ADAMTS15: variants seen among roughly 807,000 people sequenced by gnomAD.
ADAMTS15 encodes the protein ADAM metallopeptidase with thrombospondin type 1 motif 15, also known as A disintegrin and metalloproteinase with thrombospondin motifs 15.
In ADAMTS15, 35 loss-of-function variants were observed where a neutral mutation model predicts 79.1. That is an observed-to-expected ratio of 0.44 (90% confidence interval 0.34 to 0.59). The LOEUF (loss-of-function observed/expected upper bound fraction) is 0.59, where lower values mean the gene tolerates loss of function less well. Ranked by LOEUF, ADAMTS15 falls within the 20% of genes least tolerant of loss-of-function variation. The probability of loss-of-function intolerance (pLI) is 0.02; values close to 1 mark genes in which losing one functional copy is unlikely to be tolerated. For synonymous variants in ADAMTS15, 616 were observed against 567.3 expected (o/e 1.09, Z -1.22); for missense variants, 1,324 against 1,318.7 (o/e 1.00, Z -0.06).
chr11:130,470,186 G>GTATATATATATATGTGTA, intron 5 of ADAMTS15, among the ~76,000 whole-genome samples: 1 of 67,154 alleles, frequency 1.5e-5, no homozygotes, highest in Admixed American at 1.6e-4. Flanking sequence ...ATATATGTGT[G>GTATATATATATATGTGTA]TATATATATA....
At chr11:130,465,198 C>A (rs375476572) in intron 4 of ADAMTS15, among the ~76,000 whole-genome samples, 1 of 152,096 alleles carries the variant, frequency 6.6e-6, no homozygotes, top group South Asian at 2.1e-4. Context: ...CATTTCCCGA[C>A]GGGGGAAAAA....
rs1472042795 is a variant in ADAMTS15, at chr11:130,449,797, G to T, written c.824G>T (p.Arg275Leu). The T allele has an allele frequency of 6.2e-7, 1 of 1,611,724 alleles. No individual in the cohort carries two copies. Residue 275 changes from arginine to leucine, a missense_variant, in exon 1 of 8, where the codon CGT (arginine) becomes CTT (leucine). Physicochemically the swap from Arg to Leu is moderately radical, Grantham distance 102. Transcript: ENST00000299164. This position sits in a 1 kb window ranked among gnomAD's most constrained non-coding sequence, Gnocchi z 7.8. Reference protein sequence around the residue: ...VVVKVLLLRDRDSGPKVTGNA... With the variant: ...VVVKVLLLRDLDSGPKVTGNA... ...GTCAAGGTGCTGCTTCTTAGAGATC[G>T]TGACTCCGGGCCCAAGGTCACCGGC...
At chr11:130,461,688 G>A (rs764067762) in intron 2 of ADAMTS15, 67 bp downstream of exon 2, 39 of 1,594,758 alleles carry the variant, frequency 2.4e-5, no homozygotes, top group Middle Eastern at 2.1e-4. Context: ...GGTGGGAGAC[G>A]TGTGTCTTTG....
chr11:130,470,164 A>ATATATATATATATATATATATGTG (rs1938407588), intron 5 of ADAMTS15, among the ~76,000 whole-genome samples: 2 of 58,248 alleles, frequency 3.4e-5, no homozygotes, highest in Non-Finnish European at 6.4e-5. Context: ...GTATATATAT[A>ATATATATATATATATATATATGTG]TATATATATA....
chr11:130,451,853 A>AC (rs773614685), intron 1 of ADAMTS15, among the ~76,000 whole-genome samples: 1 of 151,838 alleles, frequency 6.6e-6, no homozygotes, highest in Non-Finnish European at 1.5e-5. Flanking sequence ...TGTGTGCTCA[A>AC]CCCCCCGGGG....
chr11:130,450,186 G>A (rs1281610535), intron 1 of ADAMTS15: 5 of 985,360 alleles, frequency 5.1e-6, no homozygotes, highest in Non-Finnish European at 4.8e-6. Flanking sequence ...GCCAATCAGC[G>A]CCTCCTGGAT....
At chr11:130,467,505 T>C (rs927664660) in intron 4 of ADAMTS15, among the ~76,000 whole-genome samples, 1 of 152,096 alleles carries the variant, frequency 6.6e-6, no homozygotes, top group Non-Finnish European at 1.5e-5. Context: ...AAAGGGTAGA[T>C]TGAATAAATA....
Position 130,472,214 on chromosome 11 carries a change from A to C in ADAMTS15, c.2078+831A>C, listed in dbSNP as rs1164129752. On this transcript the variant is annotated intron_variant, in intron 7 of 7. Transcript: ENST00000299164. The surrounding 1 kb of genome is among the most constrained non-coding windows in gnomAD (Gnocchi z 4.7). ...GGGAGCCCAGGTGCTGGTGATGGAA[A>C]GGCCTAGATGGCTGTCCTGGAGCCT... 6.6e-6 allele frequency among the ~76,000 whole-genome samples: 1 copy of C among 152,226 alleles called. No homozygotes were observed. The highest frequency in any genetic ancestry group is 2.1e-4 in the South Asian group (1 of 4,832).
intron 4 of ADAMTS15, among the ~76,000 whole-genome samples, chr11:130,463,173 C>A (rs1184142943): frequency 6.6e-6 from 1 of 152,232 alleles, no homozygotes; most frequent in East Asian, 1.9e-4. Context: ...TCCACTCTTT[C>A]CCAGTGTGTT....
intron 4 of ADAMTS15, among the ~76,000 whole-genome samples, chr11:130,466,517 T>A (rs879664271): frequency 6.6e-6 from 1 of 152,178 alleles, no homozygotes; most frequent in Non-Finnish European, 1.5e-5. Flanking sequence ...ACACCCTGTA[T>A]CTCCACGTCC....
chr11:130,459,551 C>T (rs912294624), intron 1 of ADAMTS15, among the ~76,000 whole-genome samples: 5 of 152,216 alleles, frequency 3.3e-5, no homozygotes, highest in South Asian at 2.1e-4. Context: ...TCTTTGAAGA[C>T]GAAAGAATAT....
chr11:130,471,530 C>T (rs535990496), intron 7 of ADAMTS15, 147 bp downstream of exon 7: 112 of 778,972 alleles, frequency 1.4e-4, no homozygotes, highest in Non-Finnish European at 1.9e-4. Context: ...CCTTCTAGGG[C>T]TGCTAGTCCT....
intron 4 of ADAMTS15, among the ~76,000 whole-genome samples, chr11:130,464,320 C>T (rs2134729738): frequency 6.6e-6 from 1 of 152,328 alleles, no homozygotes; most frequent in African/African-American, 2.4e-5. Flanking sequence ...TCTACCTCCT[C>T]AACCTCTTTT....
Position 130,462,725 on chromosome 11 carries a change from G to A in ADAMTS15, c.1487G>A (p.Gly496Asp). ...PWADGTSCGE[G>D]KLCLKGACVE... The stretch of plus-strand genomic sequence containing the variant: ...GCCGATGGCACCAGCTGTGGCGAGG[G>A]CAAGCTCTGCCTCAAAGGGGCCTGC... Residue 496 changes from glycine to aspartate, a missense_variant, in exon 4 of 8, where the codon GGC (glycine) becomes GAC (aspartate). Physicochemically the swap from Gly to Asp is moderately conservative, Grantham distance 94. Coordinates refer to ENST00000299164, the MANE Select transcript of ADAMTS15 (RefSeq NM_139055.4). The surrounding 1 kb of genome is among the most constrained non-coding windows in gnomAD (Gnocchi z 4.3). The A allele has an allele frequency of 1.2e-6, 2 of 1,608,218 alleles. No individual in the cohort carries two copies. Among genetic ancestry groups the A allele is most frequent in the Non-Finnish European group, 8.5e-7 (1 of 1,175,206 alleles).
At chr11:130,465,797 C>T (rs564081265) in intron 4 of ADAMTS15, among the ~76,000 whole-genome samples, 29 of 151,608 alleles carry the variant, frequency 1.9e-4, no homozygotes, top group Non-Finnish European at 3.4e-4. Flanking sequence ...CTCCTCCTCA[C>T]GCTGCCCCTC....
chr11:130,461,066 C>A (rs547194487), intron 1 of ADAMTS15, among the ~76,000 whole-genome samples: 1 of 152,208 alleles, frequency 6.6e-6, no homozygotes, highest in Non-Finnish European at 1.5e-5. Context: ...CGAGGCTGCT[C>A]GAAGCTGCCT....
rs1937896590 is a variant in ADAMTS15, at chr11:130,449,160, G to A, written c.187G>A (p.Asp63Asn). The part of the protein sequence containing the change: ...LIFQITAFQE[D>N]FYLHLTPDAQ... The stretch of plus-strand genomic sequence containing the variant: ...TTTTCAGATCACAGCATTTCAGGAG[G>A]ACTTTTACCTACACCTGACGCCGGA... Residue 63 changes from aspartate to asparagine, a missense_variant, in exon 1 of 8, where the codon GAC (aspartate) becomes AAC (asparagine). Physicochemically the swap from Asp to Asn is conservative, Grantham distance 23 (BLOSUM62 1). Transcript: ENST00000299164. The surrounding 1 kb of genome is among the most constrained non-coding windows in gnomAD (Gnocchi z 7.8). 1 of 1,607,590 alleles carries A rather than the reference G, an allele frequency of 6.2e-7. No individual in the cohort carries two copies. Among genetic ancestry groups the A allele is most frequent in the African/African-American group, 1.3e-5 (1 of 74,674 alleles).
In ADAMTS15 at chr11:130,472,953, GAAAGCTAGGTT is replaced by G. The variant is rs1592151908; in HGVS notation, c.2079-93_2079-83del. On this transcript the variant is annotated intron_variant, in intron 7 of 7. Transcript: ENST00000299164. The surrounding 1 kb of genome is among the most constrained non-coding windows in gnomAD (Gnocchi z 4.7). ...TTTTACTCCCATGCCAGAATTCACC[GAAAGCTAGGTT>G]TACTGAGGAAAACAGATCCTGGAGC... 2.6e-6 allele frequency: 4 copies of G among 1,522,824 alleles called. No individual in the cohort carries two copies. In the East Asian group the frequency reaches 6.8e-5, roughly 26 times the overall value. The allele number at this position is 1,522,824 out of a possible 1,614,324, so 94.3% of individuals were successfully genotyped here. A position where few individuals can be genotyped will look rare whatever the true frequency, so the allele number is the denominator to read the frequency against.
Position 130,449,777 on chromosome 11 carries a change from G to A in ADAMTS15, c.804G>A (p.Lys268=). 1 of 1,612,502 alleles carries A rather than the reference G, an allele frequency of 6.2e-7. No homozygotes were observed. The highest frequency in any genetic ancestry group is 8.5e-7 in the Non-Finnish European group (1 of 1,180,032). Residue 268 remains lysine (K), a synonymous_variant, in exon 1 of 8, where the codon AAG becomes AAA. Coordinates refer to ENST00000299164, the MANE Select transcript of ADAMTS15 (RefSeq NM_139055.4). This position sits in a 1 kb window ranked among gnomAD's most constrained non-coding sequence, Gnocchi z 7.8. ...ILNPINIVVV[K]VLLLRDRDSG... Reference sequence around the variant, plus strand: ...ACCCCATCAACATCGTTGTGGTCAAGGTGCTGCTTCTTAGAGATCGTGACT... The same window carrying A: ...ACCCCATCAACATCGTTGTGGTCAAAGTGCTGCTTCTTAGAGATCGTGACT...
Sources: allele counts gnomAD v4.1 joint callset (sites outside exome capture counted in the v4.1 genomes callset), GRCh38; gene constraint gnomAD v4.1.1; non-coding constraint Gnocchi (gnomAD v3.1); transcripts MANE v1.5; gene names NCBI Gene and HGNC (gene_info 2026-07-23, HGNC 2026-07-21).